Variants in C12orf54 observed in about 807,000 individuals in gnomAD.
C12orf54 encodes the protein chromosome 12 open reading frame 54.
Under a neutral mutation model 26.4 loss-of-function variants are expected in C12orf54, and 24 were observed. That is an observed-to-expected ratio of 0.91 (90% CI 0.66 to 1.28). C12orf54 has a LOEUF of 1.28. Ranked by LOEUF, C12orf54 falls within the 50% of genes most tolerant of loss-of-function variation. C12orf54 has a pLI of 0.00. For synonymous variants in C12orf54, 54 were observed against 47.0 expected (o/e 1.15, Z -0.61); for missense variants, 154 against 150.9 (o/e 1.02, Z -0.11).
chr12:48,451,233 A>G, the C12orf54 span, among the ~76,000 whole-genome samples: 1 of 152,092 alleles, frequency 6.6e-6, no homozygotes, highest in Non-Finnish European at 1.5e-5. Flanking sequence ...GACAAAAACC[A>G]CATGATTATC....
the C12orf54 span, among the ~76,000 whole-genome samples, chr12:48,450,589 A>T: frequency 2.0e-5 from 3 of 152,152 alleles, no homozygotes; most frequent in Non-Finnish European, 4.4e-5. Context: ...TGCTAGCTAG[A>T]CAAAGAAGAA....
the C12orf54 span, among the ~76,000 whole-genome samples, chr12:48,468,025 A>C: frequency 6.6e-6 from 1 of 152,116 alleles, no homozygotes; most frequent in Non-Finnish European, 1.5e-5. Context: ...TTCTACATAC[A>C]TTTGAGTTCC....
At chr12:48,494,048 G>A (rs2731109) in intron 7 of C12orf54, among the ~76,000 whole-genome samples, 24,370 of 83,492 alleles carry the variant, frequency 0.29, 5,213 homozygotes, top group East Asian at 0.71. Flanking sequence ...GTGAAACCCC[G>A]TCTCTACTAA....
the C12orf54 span, among the ~76,000 whole-genome samples, chr12:48,425,477 T>C: frequency 4.1e-4 from 62 of 152,276 alleles, 1 homozygote; most frequent in Non-Finnish European, 2.8e-4. Context: ...CAATCTGTCA[T>C]TGATGCACAT....
chr12:48,413,743 T>C, the C12orf54 span, among the ~76,000 whole-genome samples: 1 of 152,244 alleles, frequency 6.6e-6, no homozygotes, highest in South Asian at 2.1e-4. Context: ...TTATAGAGTT[T>C]GCTTTATCCT....
At chr12:48,441,572 T>G in the C12orf54 span, among the ~76,000 whole-genome samples, 1 of 150,184 alleles carries the variant, frequency 6.7e-6, no homozygotes. Context: ...GGGTTGGGGG[T>G]GGGGAGGTGA....
chr12:48,423,895 G>A, the C12orf54 span, among the ~76,000 whole-genome samples: 5 of 151,996 alleles, frequency 3.3e-5, no homozygotes, highest in African/African-American at 1.2e-4. Context: ...GTGAAAGCAG[G>A]CATCCTTGCC....
At chr12:48,477,853 T>C (rs567731007), upstream of C12orf54, among the ~76,000 whole-genome samples, 2 of 152,204 alleles carry the variant, frequency 1.3e-5, no homozygotes, top group Non-Finnish European at 2.9e-5. Context: ...TCTGAAACTA[T>C]TCCAATCAAT....
the C12orf54 span, among the ~76,000 whole-genome samples, chr12:48,477,043 T>G: frequency 2.0e-5 from 3 of 152,170 alleles, no homozygotes; most frequent in African/African-American, 7.2e-5. Context: ...AATAACAAAC[T>G]ATCTCTTAGA....
chr12:48,469,951 T>G, the C12orf54 span, among the ~76,000 whole-genome samples: 1 of 152,190 alleles, frequency 6.6e-6, no homozygotes, highest in South Asian at 2.1e-4. Flanking sequence ...AGTATTTGAT[T>G]TTCTGTTCCT....
the C12orf54 span, among the ~76,000 whole-genome samples, chr12:48,459,149 C>T: frequency 1.3e-5 from 2 of 152,182 alleles, no homozygotes; most frequent in African/African-American, 4.8e-5. Flanking sequence ...TCCTAGCTCT[C>T]CCTCATTCTT....
chr12:48,469,280 G>A, the C12orf54 span, among the ~76,000 whole-genome samples: 1 of 152,178 alleles, frequency 6.6e-6, no homozygotes, highest in Admixed American at 6.5e-5. Flanking sequence ...GCATAAGATG[G>A]ACACTCCCAG....
the C12orf54 span, among the ~76,000 whole-genome samples, chr12:48,444,733 T>C: frequency 6.6e-6 from 1 of 152,158 alleles, no homozygotes; most frequent in African/African-American, 2.4e-5. Context: ...GCTACCACTA[T>C]GGTTATTGAT....
the C12orf54 span, among the ~76,000 whole-genome samples, chr12:48,445,697 G>A: frequency 6.6e-6 from 1 of 152,164 alleles, no homozygotes; most frequent in African/African-American, 2.4e-5. Flanking sequence ...TTTGTACAAC[G>A]GAATCAAGCA....
At chr12:48,435,809 A>C in the C12orf54 span, among the ~76,000 whole-genome samples, 1 of 152,256 alleles carries the variant, frequency 6.6e-6, no homozygotes, top group African/African-American at 2.4e-5. Flanking sequence ...AAAACATGCC[A>C]AATTGTAAAC....
chr12:48,463,596 C>T, the C12orf54 span, among the ~76,000 whole-genome samples: 1 of 151,570 alleles, frequency 6.6e-6, no homozygotes, highest in Non-Finnish European at 1.5e-5. Flanking sequence ...ATAGCAAAAC[C>T]TGGAGGACAC....
chr12:48,488,238 C>A (rs1937698099), intron 4 of C12orf54: 1 of 663,222 alleles, frequency 1.5e-6, no homozygotes, highest in South Asian at 1.5e-5. Flanking sequence ...CCGCAGCCAT[C>A]CAGAGACTGG....
chr12:48,476,426 C>T, the C12orf54 span, among the ~76,000 whole-genome samples: 1 of 152,098 alleles, frequency 6.6e-6, no homozygotes, highest in Non-Finnish European at 1.5e-5. Flanking sequence ...GGGCTAAATG[C>T]TCCAATTAAA....
chr12:48,421,730 A>C, the C12orf54 span, among the ~76,000 whole-genome samples: 1 of 151,868 alleles, frequency 6.6e-6, no homozygotes, highest in African/African-American at 2.4e-5. Flanking sequence ...GGGTTTCACC[A>C]TGTTGGCCAG....
Sources: allele counts gnomAD v4.1 joint callset (sites outside exome capture counted in the v4.1 genomes callset), GRCh38; gene constraint gnomAD v4.1.1; transcripts MANE v1.5; gene names NCBI Gene and HGNC (gene_info 2026-07-23, HGNC 2026-07-21).